The following TNK1 variants were observed in gnomAD, a reference collection of about 807,000 sequenced individuals.
TNK1 encodes non-receptor tyrosine-protein kinase TNK1.
Under a neutral mutation model 65.2 loss-of-function variants are expected in TNK1, and 53 were observed. The ratio of observed to expected loss-of-function variants is 0.81; its 90% CI spans 0.65 to 1.02. The LOEUF (loss-of-function observed/expected upper bound fraction) is 1.02. Among genes scored for constraint, TNK1 ranks in the 50% least tolerant of loss-of-function variants. The pLI is 0.00. For synonymous variants in TNK1, 353 were observed against 364.6 expected (o/e 0.97, Z 0.36); for missense variants, 837 against 878.4 (o/e 0.95, Z 0.60).
At chr17:7,387,266 A>G in intron 9 of TNK1, 112 bp downstream of exon 9, 1 of 1,510,728 alleles carries the variant, frequency 6.6e-7, no homozygotes, top group South Asian at 1.3e-5. Flanking sequence ...TGCAGCCTCC[A>G]CCCTGGGCCC....
chr17:7,383,967 C>T lies in TNK1; in HGVS notation c.583-3C>T. On this transcript the variant is annotated splice_region_variant and splice_polypyrimidine_tract_variant and intron_variant, in intron 5 of 12. Transcript: ENST00000688331. ...TCACGCGGCGCGGTGTTCCCTCCTG[C>T]AGGTGATGGAGCTGGCGCCACTGGG... The T allele has an allele frequency of 1.3e-6, 2 of 1,507,384 alleles. No homozygotes were observed. The highest frequency in any genetic ancestry group is 1.8e-6 in the Non-Finnish European group (2 of 1,128,550). 93.4% of individuals were successfully genotyped at this position (1,507,384 alleles called of 1,614,324 possible).
In TNK1 at chr17:7,384,181, G is replaced by T. The variant is rs1597678862; in HGVS notation, c.794G>T (p.Gly265Val). The T allele has an allele frequency of 1.3e-6, 2 of 1,533,752 alleles. No homozygotes were observed. Residue 265 changes from glycine to valine, a missense_variant, in exon 6 of 13, where the codon GGG (glycine) becomes GTG (valine). Physicochemically the swap from Gly to Val is moderately radical, Grantham distance 109. Coordinates refer to ENST00000688331, the MANE Select transcript of TNK1 (RefSeq NM_003985.6). ...SPRTIKVADF[G>V]LVRPLGGARG... ...CGCACCATCAAGGTGGCTGACTTCG[G>T]GCTGGTGCGGCCTCTGGGCGGTGCC...
rs973751947 is a variant in TNK1 at position 7,383,253 on chromosome 17, A to G, written c.167A>G (p.Gln56Arg). The G allele has an allele frequency of 2.5e-6, 4 of 1,613,864 alleles. No individual in the cohort carries two copies. Among genetic ancestry groups the G allele is most frequent in the Non-Finnish European group, 3.4e-6 (4 of 1,179,892 alleles). Residue 56 changes from glutamine (Q) to arginine (R), a missense_variant, in exon 3 of 13, where the codon CAG becomes CGG. Physicochemically the swap from Gln to Arg is conservative, Grantham distance 43. Coordinates refer to ENST00000688331, the MANE Select transcript of TNK1 (RefSeq NM_003985.6). ...LDGIGMGRPA[Q>R]RRLSEALKRL... Reference sequence around the variant, plus strand: ...CCCTGATTCTGGCCTCCCACAGCCCAGCGCAGACTGTCCGAAGCTCTGAAA... The same window carrying G: ...CCCTGATTCTGGCCTCCCACAGCCCGGCGCAGACTGTCCGAAGCTCTGAAA...
In TNK1 at chr17:7,383,612, AGAGTGT is replaced by A; in HGVS notation, c.426+3_426+8del. On this transcript the variant is annotated splice_donor_variant and coding_sequence_variant, in exon 4 of 13. Coordinates refer to ENST00000688331, the MANE Select transcript of TNK1 (RefSeq NM_003985.6). LOFTEE classifies it high-confidence loss of function. ...GGGCTGTGGACGCTGCCCAGTGGCAAGAGTGTGAGTGTCCAGGGAGCCCGCTTCATC... is the reference window on the plus strand; with the variant it reads ...GGGCTGTGGACGCTGCCCAGTGGCAAGAGTGTCCAGGGAGCCCGCTTCATC... 6.3e-7 allele frequency: 1 copy of A among 1,598,806 alleles called. No individual in the cohort carries two copies. The highest frequency in any genetic ancestry group is 8.5e-7 in the Non-Finnish European group (1 of 1,170,920).
upstream of TNK1, chr17:7,380,553 T>A (rs1904753879): frequency 6.6e-6 from 1 of 151,506 alleles, no homozygotes; most frequent in Admixed American, 6.6e-5. Flanking sequence ...AACTGTAGAC[T>A]CTGTCTAGGC....
chr17:7,388,645 G>T lies in TNK1; in HGVS notation c.1717G>T (p.Ala573Ser). 4.3e-6 allele frequency: 7 copies of T among 1,614,018 alleles called. No homozygotes were observed. Among genetic ancestry groups the T allele is most frequent in the Non-Finnish European group, 5.1e-6 (6 of 1,179,874 alleles). Residue 573 changes from alanine to serine, a missense_variant, in exon 11 of 13, where the codon GCC (alanine) becomes TCC (serine). Physicochemically the swap from Ala to Ser is moderately conservative, Grantham distance 99. Transcript: ENST00000688331. The surrounding 1 kb of genome is among the most constrained non-coding windows in gnomAD (Gnocchi z 4.5). ...HPMGMPGARKAAALSGGLLSD... is the reference protein window; with the variant it reads ...HPMGMPGARKSAALSGGLLSD... ...CATGGGAATGCCTGGAGCCCGTAAA[G>T]CCGCTGCCCTCTCTGGAGGCCTCTT...
Position 7,388,585 on chromosome 17 carries a change from C to T in TNK1, c.1657C>T (p.Pro553Ser). The T allele has an allele frequency of 1.2e-6, 2 of 1,613,990 alleles. No individual in the cohort carries two copies. Among genetic ancestry groups the T allele is most frequent in the Non-Finnish European group, 1.7e-6 (2 of 1,179,900 alleles). ...QPSQPSRERL[P>S]WPKRKPPHNH... ...CAGCCAGCCCTCTAGGGAGAGGCTTCCCTGGCCCAAAAGAAAACCCCCACA... is the reference window on the plus strand; with the variant it reads ...CAGCCAGCCCTCTAGGGAGAGGCTTTCCTGGCCCAAAAGAAAACCCCCACA... Residue 553 changes from proline (P) to serine (S), a missense_variant, in exon 11 of 13, where the codon CCC (proline) becomes TCC (serine). Physicochemically the swap from Pro to Ser is moderately conservative, Grantham distance 74 (BLOSUM62 -1). Transcript: ENST00000688331. The surrounding 1 kb of genome is among the most constrained non-coding windows in gnomAD (Gnocchi z 4.5).
intron 7 of TNK1, 78 bp downstream of exon 7, chr17:7,384,832 A>G: frequency 6.7e-7 from 1 of 1,492,524 alleles, no homozygotes. Context: ...GCGAAGACTA[A>G]CACATCTAGA....
Position 7,388,300 on chromosome 17 carries a change from C to CTATA in TNK1, c.1478-105_1478-102dup, listed in dbSNP as rs1905309094. ...ATTAGCCAGTCGTAATGGCAGGCAC[C>CTATA]TATAGTCCCAGCTACTCGGGAGGCT... On this transcript the variant is annotated intron_variant, in intron 10 of 12. Coordinates refer to ENST00000688331, the MANE Select transcript of TNK1 (RefSeq NM_003985.6). This position sits in a 1 kb window ranked among gnomAD's most constrained non-coding sequence, Gnocchi z 4.5. The CTATA allele has an allele frequency of 1.7e-6, 2 of 1,187,174 alleles. No homozygotes were observed. Among genetic ancestry groups the CTATA allele is most frequent in the East Asian group, 4.8e-5 (2 of 41,428 alleles). The allele number at this position is 1,187,174 out of a possible 1,614,324, so 73.5% of individuals were successfully genotyped here. A position where few individuals can be genotyped will look rare whatever the true frequency, so the allele number is the denominator to read the frequency against.
chr17:7,380,098 T>C (rs752699676), upstream of TNK1, among the ~76,000 whole-genome samples: 1 of 152,080 alleles, frequency 6.6e-6, no homozygotes, highest in African/African-American at 2.4e-5. Flanking sequence ...TACAGACATC[T>C]GGACCCCTCC....
chr17:7,384,162 A>T lies in TNK1; in HGVS notation c.775A>T (p.Ile259Phe). The T allele has an allele frequency of 1.3e-6, 2 of 1,538,946 alleles. No individual in the cohort carries two copies. The highest frequency in any genetic ancestry group is 1.2e-5 in the South Asian group (1 of 84,252). Residue 259 changes from isoleucine to phenylalanine, a missense_variant, in exon 6 of 13, where the codon ATC becomes TTC. Transcript: ENST00000688331. ...CCTACTGCTGGCGTCGCCGCGCACC[A>T]TCAAGGTGGCTGACTTCGGGCTGGT... ...RNLLLASPRT[I>F]KVADFGLVRP...
chr17:7,382,658 G>C lies in TNK1; in HGVS notation c.-91-178G>C, dbSNP rs940967289. 1.4e-4 allele frequency among the ~76,000 whole-genome samples: 22 copies of C among 152,188 alleles called. No individual in the cohort carries two copies. The highest frequency in any genetic ancestry group is 5.2e-4 in the Admixed American group (8 of 15,280). On this transcript the variant is annotated intron_variant, in intron 1 of 12. Coordinates refer to ENST00000688331, the MANE Select transcript of TNK1 (RefSeq NM_003985.6). The surrounding 1 kb of genome is among the most constrained non-coding windows in gnomAD (Gnocchi z 4.1). ...CTGGAGTCTGTAGTAGGAGCAGGCA[G>C]TATGCTAAAATTGCAGGTGTGAGCA...
upstream of TNK1, chr17:7,380,992 C>G (rs975342755): frequency 2.0e-5 from 3 of 152,300 alleles, no homozygotes; most frequent in Non-Finnish European, 4.4e-5. Context: ...GGGTGCGGCC[C>G]TCGCCGGCCC....
In TNK1 at chr17:7,384,158, C is replaced by T; in HGVS notation, c.771C>T (p.Arg257=). ...ATRNLLLASP[R]TIKVADFGLV... is the part of the protein sequence containing the mutation. The stretch of plus-strand genomic sequence containing the variant: ...GCAACCTACTGCTGGCGTCGCCGCG[C>T]ACCATCAAGGTGGCTGACTTCGGGC... Residue 257 remains arginine (R), a synonymous_variant, in exon 6 of 13, where the codon CGC becomes CGT. Coordinates refer to ENST00000688331, the MANE Select transcript of TNK1 (RefSeq NM_003985.6). The T allele has an allele frequency of 6.5e-7, 1 of 1,540,528 alleles. No homozygotes were observed. Among genetic ancestry groups the T allele is most frequent in the South Asian group, 1.2e-5 (1 of 84,322 alleles).
chr17:7,387,328 T>TG, intron 9 of TNK1, 50 bp from the exon 10 acceptor site: 1 of 1,564,556 alleles, frequency 6.4e-7, no homozygotes, highest in African/African-American at 1.4e-5. Context: ...TATTGATCTG[T>TG]GGGGTGGGGA....
intron 8 of TNK1, 27 bp from the exon 9 acceptor site, chr17:7,386,963 C>T (rs1260146087): frequency 5.2e-6 from 8 of 1,524,314 alleles, no homozygotes; most frequent in Middle Eastern, 1.7e-4. Flanking sequence ...TTATTCCCAT[C>T]CTATTTACCA....
Position 7,384,492 on chromosome 17 carries a change from C to T in TNK1, c.875C>T (p.Pro292Leu), listed in dbSNP as rs201128948. 4.5e-6 allele frequency: 7 copies of T among 1,560,092 alleles called. No individual in the cohort carries two copies. In the African/African-American group the frequency reaches 5.4e-5, roughly 12 times the overall value. The change falls in exon 7 of 13, where the codon CCA becomes CTA. Residue 292 changes from proline to leucine, a missense_variant. Physicochemically the swap from Pro to Leu is moderately conservative, Grantham distance 98. Coordinates refer to ENST00000688331, the MANE Select transcript of TNK1 (RefSeq NM_003985.6). Reference sequence around the variant, plus strand: ...TCCACTTCCTTCGGCAGGTGTGCCCCAGAGAGCCTGCGCCACGGAGCCTTC... The same window carrying T: ...TCCACTTCCTTCGGCAGGTGTGCCCTAGAGAGCCTGCGCCACGGAGCCTTC... ...PRPIPYAWCAPESLRHGAFSS... is the reference protein window; with the variant it reads ...PRPIPYAWCALESLRHGAFSS...
At chr17:7,386,810 G>T (rs1905203915) in intron 8 of TNK1, among the ~76,000 whole-genome samples, 155 bp downstream of exon 8, 1 of 152,156 alleles carries the variant, frequency 6.6e-6, no homozygotes, top group African/African-American at 2.4e-5. Flanking sequence ...GCATGGTCCT[G>T]GCCTCCCTGC....
rs1465389784 is a variant in TNK1, at chr17:7,389,034, T to A, written c.1936T>A (p.Tyr646Asn). 6.4e-7 allele frequency: 1 copy of A among 1,554,964 alleles called. No individual in the cohort carries two copies. Among genetic ancestry groups the A allele is most frequent in the Non-Finnish European group, 8.7e-7 (1 of 1,148,828 alleles). Residue 646 changes from tyrosine to asparagine, a missense_variant, in exon 13 of 13, where the codon TAC becomes AAC. Coordinates refer to ENST00000688331, the MANE Select transcript of TNK1 (RefSeq NM_003985.6). ...TGACTGCTGGCGCATCCTGGAGCAT[T>A]ACCAGTGGGACCTCTCAGCTGCCAG... ...RADCWRILEH[Y>N]QWDLSAASRY...
Sources: gnomAD v4.1 joint callset for allele counts (sites outside exome capture counted in the v4.1 genomes callset) on GRCh38, gnomAD v4.1.1 for gene constraint, Gnocchi (gnomAD v3.1) non-coding constraint, MANE v1.5 for transcripts, NCBI Gene and HGNC (gene_info 2026-07-23, HGNC 2026-07-21) for gene names.